Variants in DAPP1 observed in about 807,000 individuals in gnomAD.
The protein encoded by DAPP1 is dual adapter for phosphotyrosine and 3-phosphotyrosine and 3-phosphoinositide.
A neutral mutation model predicts 41.5 loss-of-function variants in DAPP1; 20 were observed. That is an observed-to-expected ratio of 0.48 (90% confidence interval 0.34 to 0.70). The LOEUF (loss-of-function observed/expected upper bound fraction) is 0.70. DAPP1 is among the 30% of genes least tolerant of loss of function. The pLI is 0.01. For missense variants in DAPP1, 233 were observed against 333.4 expected, an observed-to-expected ratio of 0.70 and a Z score of 2.35; for synonymous variants, 113 against 116.2, an observed-to-expected ratio of 0.97 and a Z score of 0.18.
Position 99,824,915 on chromosome 4 carries a change from G to A in DAPP1, c.101+7901G>A, listed in dbSNP as rs184698612. On this transcript the variant is annotated intron_variant, in intron 1 of 8. Transcript: ENST00000512369. Reference sequence around the variant, plus strand: ...TACTGTGAAGGCTTCCCTGGGGACCGAACAGAAGGATCTCAGTACAGTGAG... The same window carrying A: ...TACTGTGAAGGCTTCCCTGGGGACCAAACAGAAGGATCTCAGTACAGTGAG... Among the ~76,000 whole-genome samples, 351 of 152,186 alleles carry A rather than the reference G, an allele frequency of 2.3e-3. 2 individuals carry two copies. The highest frequency in any genetic ancestry group is 7.9e-3 in the African/African-American group (326 of 41,508).
chr4:99,834,070 C>A (rs1272423794), intron 1 of DAPP1, among the ~76,000 whole-genome samples: 2 of 152,206 alleles, frequency 1.3e-5, no homozygotes, highest in African/African-American at 4.8e-5. Context: ...CCAGGCAAAG[C>A]AACCCCCGGG....
At chr4:99,843,915 T>C (rs927083730) in intron 3 of DAPP1, among the ~76,000 whole-genome samples, 1 of 152,228 alleles carries the variant, frequency 6.6e-6, no homozygotes, top group Non-Finnish European at 1.5e-5. Context: ...GTTTTTTGCA[T>C]GGCAACATCA....
intron 1 of DAPP1, among the ~76,000 whole-genome samples, chr4:99,833,609 T>C (rs902425121): frequency 6.6e-6 from 1 of 152,204 alleles, no homozygotes; most frequent in Admixed American, 6.5e-5. Context: ...TTTTACACTA[T>C]ACACACCTCT....
chr4:99,871,511 G>T (rs983276452), downstream of DAPP1, among the ~76,000 whole-genome samples: 1 of 151,888 alleles, frequency 6.6e-6, no homozygotes, highest in Non-Finnish European at 1.5e-5. Flanking sequence ...CACAATCCCA[G>T]TTTATTATTA....
At chr4:99,837,400 G>A (rs17611664) in intron 2 of DAPP1, among the ~76,000 whole-genome samples, 10,832 of 152,216 alleles carry the variant, frequency 0.071, 424 homozygotes, top group Non-Finnish European at 0.1. Context: ...GTGGGTGTGC[G>A]AAACAGGTAG....
At chr4:99,855,980 T>G (rs1724031750) in intron 4 of DAPP1, among the ~76,000 whole-genome samples, 1 of 152,266 alleles carries the variant, frequency 6.6e-6, no homozygotes, top group African/African-American at 2.4e-5. Flanking sequence ...TGTGTATAAC[T>G]GTTTAACATC....
chr4:99,819,365 C>A (rs1722692646), intron 1 of DAPP1, among the ~76,000 whole-genome samples: 1 of 152,152 alleles, frequency 6.6e-6, no homozygotes, highest in South Asian at 2.1e-4. Flanking sequence ...TATAAATACT[C>A]CCACTATAGA....
chr4:99,826,899 C>T (rs1403294905), intron 1 of DAPP1, among the ~76,000 whole-genome samples: 11 of 152,224 alleles, frequency 7.2e-5, no homozygotes, highest in Non-Finnish European at 1.6e-4. Flanking sequence ...GTCCATATCA[C>T]TAAGATAGCA....
intron 7 of DAPP1, chr4:99,864,153 A>T: frequency 5.0e-6 from 1 of 201,114 alleles, no homozygotes; most frequent in Non-Finnish European, 9.9e-6. Flanking sequence ...CATTTTATTT[A>T]TAACTTTGTT....
At chr4:99,838,337 GA>G (rs1723372810) in intron 2 of DAPP1, among the ~76,000 whole-genome samples, 1 of 152,066 alleles carries the variant, frequency 6.6e-6, no homozygotes, top group Admixed American at 6.6e-5. Context: ...ACTAATTCAG[GA>G]GAATGACTAT....
chr4:99,839,735 G>T (rs186818160), intron 2 of DAPP1, among the ~76,000 whole-genome samples: 68 of 152,272 alleles, frequency 4.5e-4, no homozygotes, highest in Non-Finnish European at 8.1e-4. Flanking sequence ...TCTAGGAGTA[G>T]ATAGGGAGAA....
intron 3 of DAPP1, among the ~76,000 whole-genome samples, chr4:99,849,387 A>C (rs1435009309): frequency 6.6e-6 from 1 of 152,166 alleles, no homozygotes; most frequent in Non-Finnish European, 1.5e-5. Context: ...TTCATTCATT[A>C]ATTCATTCAC....
At chr4:99,818,692 A>G (rs1176837743) in intron 1 of DAPP1, among the ~76,000 whole-genome samples, 1 of 152,202 alleles carries the variant, frequency 6.6e-6, no homozygotes, top group East Asian at 1.9e-4. Flanking sequence ...TCCCTGCAAA[A>G]AAAAAAGGGT....
intron 3 of DAPP1, among the ~76,000 whole-genome samples, chr4:99,851,609 C>T (rs1375764559): frequency 2.2e-5 from 3 of 138,310 alleles, no homozygotes; most frequent in Non-Finnish European, 4.5e-5. Flanking sequence ...GGTGCGATCT[C>T]GGCTCACCGC....
At chr4:99,839,276 G>A (rs1723409645) in intron 2 of DAPP1, among the ~76,000 whole-genome samples, 1 of 151,842 alleles carries the variant, frequency 6.6e-6, no homozygotes, top group African/African-American at 2.4e-5. Flanking sequence ...ATGGTAGCAT[G>A]GGCTGCACTG....
downstream of DAPP1, among the ~76,000 whole-genome samples, chr4:99,870,938 A>T (rs1724614805): frequency 6.6e-6 from 1 of 152,148 alleles, no homozygotes; most frequent in Non-Finnish European, 1.5e-5. Context: ...TCTCCTTATG[A>T]TATCTTTGAC....
rs747796245 is a variant in DAPP1, at chr4:99,866,126, G to A, written c.774+5G>A. On this transcript the variant is annotated splice_donor_5th_base_variant and intron_variant, in intron 8 of 8. Coordinates refer to ENST00000512369, the MANE Select transcript of DAPP1 (RefSeq NM_014395.3). ...AAGATATTACGCTGGAAATTGGTGA[G>A]AATTTTTAAGCCTTCAGATGTCAAG... 2 of 1,545,662 alleles carry A rather than the reference G, an allele frequency of 1.3e-6. No homozygotes were observed. Among genetic ancestry groups the A allele is most frequent in the Non-Finnish European group, 1.8e-6 (2 of 1,121,590 alleles).
intron 3 of DAPP1, among the ~76,000 whole-genome samples, chr4:99,843,452 AAAGC>A (rs1723562117): frequency 6.6e-6 from 1 of 152,192 alleles, no homozygotes; most frequent in Non-Finnish European, 1.5e-5. Flanking sequence ...GCTAATCTGA[AAAGC>A]AAGGATTTCC....
intron 1 of DAPP1, among the ~76,000 whole-genome samples, chr4:99,819,828 GT>G (rs1198328870): frequency 3.9e-5 from 6 of 151,946 alleles, no homozygotes; most frequent in Non-Finnish European, 7.4e-5. Flanking sequence ...TTGGGCCTCT[GT>G]TTTTTTCAGG....
Sources: allele counts gnomAD v4.1 joint callset (sites outside exome capture counted in the v4.1 genomes callset), GRCh38; gene constraint gnomAD v4.1.1; transcripts MANE v1.5; gene names NCBI Gene and HGNC (gene_info 2026-07-23, HGNC 2026-07-21).